The following FGF2 variants were observed in gnomAD, a reference collection of about 807,000 sequenced individuals.
The protein encoded by FGF2 is basic fibroblast growth factor bFGF.
FGF2 carries 13 observed loss-of-function variants against 15.9 expected under a neutral mutation model. That is an observed-to-expected ratio of 0.82 (90% confidence interval 0.53 to 1.30). The LOEUF (loss-of-function observed/expected upper bound fraction) is 1.30, where lower values mean the gene tolerates loss of function less well. FGF2 is among the 50% of genes most tolerant of loss of function. FGF2 has a pLI of 0.00. For synonymous variants in FGF2, 90 were observed against 78.4 expected (o/e 1.15, Z -0.78); for missense variants, 163 against 196.9 (o/e 0.83, Z 1.03).
In FGF2 at chr4:122,876,373, G is replaced by C; in HGVS notation, c.231G>C (p.Val77=). ...EERGVVSIKG[V]CANRYLAMKE... ...GAGGAGTTGTGTCTATCAAAGGAGTGTGTGCTAACCGTTACCTGGCTATGA... is the reference window on the plus strand; with the variant it reads ...GAGGAGTTGTGTCTATCAAAGGAGTCTGTGCTAACCGTTACCTGGCTATGA... Residue 77 remains valine (V), a synonymous_variant, in exon 2 of 3, where the codon GTG becomes GTC. Coordinates refer to ENST00000644866, the MANE Select transcript of FGF2 (RefSeq NM_001361665.2). 1 of 1,613,738 alleles carries C rather than the reference G, an allele frequency of 6.2e-7. No homozygotes were observed. Among genetic ancestry groups the C allele is most frequent in the Non-Finnish European group, 8.5e-7 (1 of 1,179,740 alleles).
intron 1 of FGF2, among the ~76,000 whole-genome samples, chr4:122,859,613 A>G (rs952492153): frequency 6.6e-6 from 1 of 150,802 alleles, no homozygotes; most frequent in African/African-American, 2.4e-5. Flanking sequence ...TTTGAGTGCT[A>G]TATACTAAAA....
intron 2 of FGF2, among the ~76,000 whole-genome samples, chr4:122,890,742 A>G (rs914054527): frequency 6.6e-6 from 1 of 152,232 alleles, no homozygotes; most frequent in Non-Finnish European, 1.5e-5. Flanking sequence ...GGCTTTTCCA[A>G]ACCTGAAGTT....
In FGF2 at chr4:122,897,381, C is replaced by G. The variant is rs1202826678; in HGVS notation, c.*4985C>G. 1 of 473,988 alleles carries G rather than the reference C, an allele frequency of 2.1e-6. No individual in the cohort carries two copies. The highest frequency in any genetic ancestry group is 3.8e-6 in the Non-Finnish European group (1 of 265,138). 29.4% of individuals were successfully genotyped at this position (473,988 alleles called of 1,614,324 possible). A position where few individuals can be genotyped will look rare whatever the true frequency, so the allele number is the denominator to read the frequency against. On this transcript the variant is annotated 3_prime_UTR_variant, in exon 3 of 3. Coordinates refer to ENST00000644866, the MANE Select transcript of FGF2 (RefSeq NM_001361665.2). ...ATTTTCAGACAGATTAATCCAGAAG[C>G]AGTCATAAACAGAAGAATAGGTGGT...
chr4:122,841,669 A>G (rs1034642206), intron 1 of FGF2, among the ~76,000 whole-genome samples: 19 of 152,234 alleles, frequency 1.2e-4, no homozygotes, highest in African/African-American at 4.6e-4. Flanking sequence ...CTATTTTCCA[A>G]TTACTAGTAA....
intron 2 of FGF2, among the ~76,000 whole-genome samples, chr4:122,891,869 G>A (rs1289590592): frequency 1.1e-4 from 17 of 152,124 alleles, no homozygotes; most frequent in African/African-American, 4.1e-4. Context: ...ATAGCTTTGG[G>A]CTTCCCATAG....
chr4:122,893,487 G>A lies in FGF2; in HGVS notation c.*1091G>A. 3.1e-6 allele frequency: 1 copy of A among 324,198 alleles called. No homozygotes were observed. 20.1% of individuals were successfully genotyped at this position (324,198 alleles called of 1,614,324 possible). A position where few individuals can be genotyped will look rare whatever the true frequency, so the allele number is the denominator to read the frequency against. ...AGGCTTATCTACCTGTACATTTTTGGGGTCAGCTCTTTTTAACTTCTTGCT... is the reference window on the plus strand; with the variant it reads ...AGGCTTATCTACCTGTACATTTTTGAGGTCAGCTCTTTTTAACTTCTTGCT... On this transcript the variant is annotated 3_prime_UTR_variant, in exon 3 of 3. Coordinates refer to ENST00000644866, the MANE Select transcript of FGF2 (RefSeq NM_001361665.2).
intron 1 of FGF2, among the ~76,000 whole-genome samples, chr4:122,872,507 T>A (rs1726761707): frequency 6.6e-6 from 1 of 150,760 alleles, no homozygotes; most frequent in Admixed American, 6.6e-5. Flanking sequence ...AACATGCAAA[T>A]TCAGGAAATA....
chr4:122,861,667 T>A (rs116425955), intron 1 of FGF2, among the ~76,000 whole-genome samples: 2,813 of 152,202 alleles, frequency 0.018, 90 homozygotes, highest in African/African-American at 0.064. Context: ...CATTCTTTCA[T>A]GCTATTACAC....
Position 122,827,385 on chromosome 4 carries a change from C to T in FGF2, c.178+33C>T, listed in dbSNP as rs1560732817. The T allele has an allele frequency of 6.2e-7, 1 of 1,610,938 alleles. No individual in the cohort carries two copies. The highest frequency in any genetic ancestry group is 8.5e-7 in the Non-Finnish European group (1 of 1,178,674). On this transcript the variant is annotated intron_variant, in intron 1 of 2. Coordinates refer to ENST00000644866, the MANE Select transcript of FGF2 (RefSeq NM_001361665.2). The surrounding 1 kb of genome is among the most constrained non-coding windows in gnomAD (Gnocchi z 4.2). ...CCGACCCGCTCTCTCCGCCTCATTT[C>T]CATTTCGTGGGTTCTCGCCCGCTCT...
chr4:122,860,676 C>T (rs987089198), intron 1 of FGF2, among the ~76,000 whole-genome samples: 1 of 151,934 alleles, frequency 6.6e-6, no homozygotes, highest in Non-Finnish European at 1.5e-5. Context: ...AGGCTGGTCT[C>T]GAATTCCTGG....
intron 1 of FGF2, among the ~76,000 whole-genome samples, chr4:122,858,405 T>C (rs1470121970): frequency 6.6e-6 from 1 of 152,006 alleles, no homozygotes; most frequent in African/African-American, 2.4e-5. Flanking sequence ...TTTTACTTTG[T>C]TTTCTTTTTG....
intron 1 of FGF2, among the ~76,000 whole-genome samples, chr4:122,860,447 C>CTTTTTTTTTTTTTTTTTTTT (rs34541038): frequency 1.1e-5 from 1 of 90,918 alleles, no homozygotes; most frequent in Non-Finnish European, 2.0e-5. Context: ...CTAAGGTTAA[C>CTTTTTTTTTTTTTTTTTTTT]TTTTTTTTTT....
intron 1 of FGF2, among the ~76,000 whole-genome samples, chr4:122,875,250 AT>A (rs527320677): frequency 2.4e-4 from 36 of 151,348 alleles, no homozygotes; most frequent in East Asian, 5.8e-4. Context: ...TAATTAAGTA[AT>A]TTTTTTTTGT....
chr4:122,840,477 A>G (rs745855418), intron 1 of FGF2: 54 of 152,516 alleles, frequency 3.5e-4, no homozygotes, highest in South Asian at 2.1e-4. Context: ...GAAACATAGT[A>G]GAGGCTGCAG....
chr4:122,828,183 A>C (rs1404988174), intron 1 of FGF2, among the ~76,000 whole-genome samples: 1 of 152,134 alleles, frequency 6.6e-6, no homozygotes, highest in Non-Finnish European at 1.5e-5. Flanking sequence ...TGGCCTAAAT[A>C]AGGAGTGCTT....
chr4:122,839,234 A>G (rs1291339777), intron 1 of FGF2, among the ~76,000 whole-genome samples: 1 of 152,236 alleles, frequency 6.6e-6, no homozygotes, highest in Non-Finnish European at 1.5e-5. Flanking sequence ...AAGGTACAGT[A>G]AAAATATGAC....
intron 1 of FGF2, among the ~76,000 whole-genome samples, chr4:122,867,507 A>C (rs1475244366): frequency 6.6e-6 from 1 of 152,148 alleles, no homozygotes; most frequent in African/African-American, 2.4e-5. Flanking sequence ...TCTGTTAAAA[A>C]TATATATTTT....
At position 122,826,997 on chromosome 4, in the gene FGF2, G is replaced by A. The variant is rs1290760158; in HGVS notation, c.-178G>A. 43 of 1,261,166 alleles carry A rather than the reference G, an allele frequency of 3.4e-5. No homozygotes were observed. The highest frequency in any genetic ancestry group is 4.1e-5 in the Non-Finnish European group (41 of 1,003,102). The allele number at this position is 1,261,166 out of a possible 1,614,324, so 78.1% of individuals were successfully genotyped here. A position where few individuals can be genotyped will look rare whatever the true frequency, so the allele number is the denominator to read the frequency against. On this transcript the variant is annotated 5_prime_UTR_variant, in exon 1 of 3. Transcript: ENST00000644866. ...GGGGCCGGCGGACAGAAGAGCGGCC[G>A]AGCGGCTCGAGGCTGGGGGACCGCG...
At position 122,841,560 on chromosome 4, in the gene FGF2, T is replaced by A. The variant is rs1414254658; in HGVS notation, c.178+14208T>A. On this transcript the variant is annotated intron_variant, in intron 1 of 2. Coordinates refer to ENST00000644866, the MANE Select transcript of FGF2 (RefSeq NM_001361665.2). ...ATTTATTAATGATTTAATATCACTT[T>A]TAATAAACTGGAATTATGCTTTTCC... 2.0e-5 allele frequency among the ~76,000 whole-genome samples: 3 copies of A among 152,240 alleles called. No homozygotes were observed. In the East Asian group the frequency reaches 5.8e-4, roughly 29 times the overall value.
Sources: gnomAD v4.1 joint callset for allele counts (sites outside exome capture counted in the v4.1 genomes callset) on GRCh38, gnomAD v4.1.1 for gene constraint, Gnocchi (gnomAD v3.1) non-coding constraint, MANE v1.5 for transcripts, NCBI Gene and HGNC (gene_info 2026-07-23, HGNC 2026-07-21) for gene names.